The following SPTBN1 variants were observed in gnomAD, a reference collection of about 807,000 sequenced individuals.
The protein encoded by SPTBN1 is spectrin beta, non-erythrocytic 1.
A neutral mutation model predicts 266.4 loss-of-function variants in SPTBN1; 32 were observed. The ratio of observed to expected loss-of-function variants is 0.12; its 90% CI spans 0.09 to 0.16. The LOEUF (loss-of-function observed/expected upper bound fraction) is 0.16, where lower values mean the gene tolerates loss of function less well. Ranked by LOEUF, SPTBN1 falls within the 10% of genes least tolerant of loss-of-function variation. The pLI is 1.00. For missense variants in SPTBN1, 2,296 were observed against 3,067.1 expected, an observed-to-expected ratio of 0.75 and a Z score of 5.94; for synonymous variants, 1,336 against 1,162.2, an observed-to-expected ratio of 1.15 and a Z score of -3.04.
At chr2:54,555,272 G>A (rs1301714189) in intron 2 of SPTBN1, among the ~76,000 whole-genome samples, 1 of 152,142 alleles carries the variant, frequency 6.6e-6, no homozygotes, top group Non-Finnish European at 1.5e-5. Context: ...TGTATCTTCA[G>A]TTTTGAGCTC....
chr2:54,665,218 C>T (rs1331172593), intron 33 of SPTBN1, among the ~76,000 whole-genome samples: 3 of 152,204 alleles, frequency 2.0e-5, no homozygotes, highest in African/African-American at 7.2e-5. Context: ...ATGTGCTTAA[C>T]TAGTAAACCC....
intron 1 of SPTBN1, among the ~76,000 whole-genome samples, chr2:54,484,563 T>C (rs1668256954): frequency 6.6e-6 from 1 of 152,178 alleles, no homozygotes. Flanking sequence ...CTAAGAGGAA[T>C]AATAGGAAAG....
chr2:54,552,220 A>G (rs1471702595), intron 2 of SPTBN1, among the ~76,000 whole-genome samples: 2 of 152,248 alleles, frequency 1.3e-5, no homozygotes, highest in African/African-American at 4.8e-5. Flanking sequence ...AAAGTGGGAT[A>G]GAATTAATTT....
intron 17 of SPTBN1, among the ~76,000 whole-genome samples, chr2:54,633,565 G>C (rs907235140): frequency 2.0e-5 from 3 of 152,182 alleles, no homozygotes; most frequent in African/African-American, 7.2e-5. Flanking sequence ...GGGCAGATCA[G>C]GGGTTGGATG....
At chr2:54,559,761 T>C (rs1427771144) in intron 2 of SPTBN1, among the ~76,000 whole-genome samples, 1 of 152,188 alleles carries the variant, frequency 6.6e-6, no homozygotes, top group East Asian at 1.9e-4. Flanking sequence ...AGTAGTAGGC[T>C]GGGAATGGCT....
rs1681652013 is a variant in SPTBN1, at chr2:54,670,559, AGTT to A, written c.*1994_*1996del. The A allele has an allele frequency of 2.5e-6, 1 of 397,030 alleles. No individual in the cohort carries two copies. The highest frequency in any genetic ancestry group is 2.1e-5 in the African/African-American group (1 of 48,612). 24.6% of individuals were successfully genotyped at this position (397,030 alleles called of 1,614,324 possible). A position where few individuals can be genotyped will look rare whatever the true frequency, so the allele number is the denominator to read the frequency against. ...CTTGCCATGCTCAGGGTTGGAATCA[AGTT>A]GTTCTATTCTCAACAGACCAAAATG... On this transcript the variant is annotated 3_prime_UTR_variant, in exon 36 of 36. Coordinates refer to ENST00000356805, the MANE Select transcript of SPTBN1 (RefSeq NM_003128.3).
chr2:54,669,821 T>C lies in SPTBN1; in HGVS notation c.*1252T>C, dbSNP rs1681621460. ...TTTATGCATGTCTGGTGCACAAGCT[T>C]TGAAAACTACAGCAAACAGTAATAA... is the stretch of plus-strand genomic sequence containing the variant. On this transcript the variant is annotated 3_prime_UTR_variant, in exon 36 of 36. Transcript: ENST00000356805. The C allele has an allele frequency of 6.6e-6, 1 of 152,258 alleles. No individual in the cohort carries two copies. The highest frequency in any genetic ancestry group is 1.5e-5 in the Non-Finnish European group (1 of 68,042). The allele number at this position is 152,258 out of a possible 1,614,324, so 9.4% of individuals were successfully genotyped here.
chr2:54,560,834 C>G (rs944537296), intron 2 of SPTBN1, among the ~76,000 whole-genome samples: 1 of 152,174 alleles, frequency 6.6e-6, no homozygotes, highest in Admixed American at 6.5e-5. Flanking sequence ...TGGTGGACCT[C>G]AGGAGAATTA....
At chr2:54,617,772 C>T in intron 6 of SPTBN1, 84 bp downstream of exon 6, 1 of 1,399,616 alleles carries the variant, frequency 7.1e-7, no homozygotes, top group Non-Finnish European at 1.0e-6. Flanking sequence ...TTTTCCATAT[C>T]CGTTGGCTTA....
At chr2:54,647,032 G>C in intron 23 of SPTBN1, 99 bp from the exon 24 acceptor site, 1 of 1,569,358 alleles carries the variant, frequency 6.4e-7, no homozygotes, top group Non-Finnish European at 8.7e-7. Flanking sequence ...TCTTTCTACT[G>C]ATCCTTCCTC....
chr2:54,605,169 A>G (rs568289610), intron 3 of SPTBN1, among the ~76,000 whole-genome samples: 2 of 152,108 alleles, frequency 1.3e-5, no homozygotes, highest in African/African-American at 4.8e-5. Flanking sequence ...TTAATTCTCT[A>G]TTGTTACCTC....
At chr2:54,571,214 TTCTC>T (rs1674041831) in intron 2 of SPTBN1, among the ~76,000 whole-genome samples, 1 of 152,046 alleles carries the variant, frequency 6.6e-6, no homozygotes, top group Non-Finnish European at 1.5e-5. Flanking sequence ...GTGGGACGTT[TTCTC>T]TCTCATTTCA....
At chr2:54,647,386 G>C in intron 24 of SPTBN1, 125 bp downstream of exon 24, 1 of 1,352,688 alleles carries the variant, frequency 7.4e-7, no homozygotes. Context: ...AAATCTTTGA[G>C]AAGCATTTTT....
At position 54,628,574 on chromosome 2, in the gene SPTBN1, G is replaced by A. The variant is rs1308402229; in HGVS notation, c.1798+324G>A. 6.6e-6 allele frequency among the ~76,000 whole-genome samples: 1 copy of A among 152,200 alleles called. No homozygotes were observed. The highest frequency in any genetic ancestry group is 1.5e-5 in the Non-Finnish European group (1 of 68,038). On this transcript the variant is annotated intron_variant, in intron 13 of 35. Transcript: ENST00000356805. The surrounding 1 kb of genome is among the most constrained non-coding windows in gnomAD (Gnocchi z 4.3). The stretch of plus-strand genomic sequence containing the variant: ...GTTCCAGCAGCTCCTGGCTTTCACA[G>A]CTGGTTGCATATACCTCTCTTTGGA...
chr2:54,650,005 A>AC lies in SPTBN1; in HGVS notation c.5577+19dup. On this transcript the variant is annotated intron_variant, in intron 26 of 35. Transcript: ENST00000356805. ...GGGCACACAGGTGGGTATGGCAGCC[A>AC]CCCAGGGGTGCTGGGGAGGCTTTTT... 6.3e-7 allele frequency: 1 copy of AC among 1,594,280 alleles called. No homozygotes were observed. The highest frequency in any genetic ancestry group is 1.1e-5 in the South Asian group (1 of 90,006).
At chr2:54,523,859 G>A (rs1328623932) in intron 1 of SPTBN1, among the ~76,000 whole-genome samples, 2 of 152,190 alleles carry the variant, frequency 1.3e-5, no homozygotes, top group Non-Finnish European at 2.9e-5. Flanking sequence ...CTTTCACTAA[G>A]TGAGCATCCA....
rs539804754 is a variant in SPTBN1 at position 54,650,074 on chromosome 2, C to G, written c.5577+85C>G. ...GGCATCTGTAAGTATCTCCCTGTTC[C>G]TTGGCTCTTCAAAAGAATTGCCCCA... On this transcript the variant is annotated intron_variant, in intron 26 of 35. Transcript: ENST00000356805. 3 of 1,486,934 alleles carry G rather than the reference C, an allele frequency of 2.0e-6. No individual in the cohort carries two copies. In the African/African-American group the frequency reaches 4.2e-5, roughly 21 times the overall value. The allele number at this position is 1,486,934 out of a possible 1,614,324, so 92.1% of individuals were successfully genotyped here.
chr2:54,615,749 C>T (rs1677565627), intron 4 of SPTBN1, among the ~76,000 whole-genome samples: 1 of 152,202 alleles, frequency 6.6e-6, no homozygotes, highest in Non-Finnish European at 1.5e-5. Context: ...ACCATGGAAG[C>T]ACAGCGTTTA....
At chr2:54,647,523 G>A (rs966701392) in intron 24 of SPTBN1, among the ~76,000 whole-genome samples, 4 of 152,186 alleles carry the variant, frequency 2.6e-5, no homozygotes, top group South Asian at 2.1e-4. Flanking sequence ...TATTGGTGTC[G>A]TGAGTCAAAA....
Sources: allele counts gnomAD v4.1 joint callset (sites outside exome capture counted in the v4.1 genomes callset), GRCh38; gene constraint gnomAD v4.1.1; non-coding constraint Gnocchi (gnomAD v3.1); transcripts MANE v1.5; gene names NCBI Gene and HGNC (gene_info 2026-07-23, HGNC 2026-07-21).